PTK2: variants seen among roughly 807,000 people sequenced by gnomAD.
PTK2 encodes focal adhesion kinase 1.
In PTK2, 45 loss-of-function variants were observed where a neutral mutation model predicts 150.1. That is an observed-to-expected ratio of 0.30 (90% CI 0.24 to 0.38). The LOEUF is 0.38. Ranked by LOEUF, PTK2 falls within the 10% of genes least tolerant of loss-of-function variation. PTK2 has a pLI of 1.00. For synonymous variants in PTK2, 432 were observed against 449.2 expected (o/e 0.96, Z 0.48); for missense variants, 919 against 1,307.3 (o/e 0.70, Z 4.58).
rs35706231 is a variant in PTK2 at position 140,671,759 on chromosome 8, CAAAAA to C, written c.2709+2534_2709+2538del. On this transcript the variant is annotated intron_variant, in intron 29 of 31. Coordinates refer to ENST00000522684, the Ensembl canonical transcript of PTK2. ...AAACCCCGTCTCTACTAAAAATACC[CAAAAA>C]AAAAAAAAAAAAAAAAAATTAGATG... 2.3e-3 allele frequency among the ~76,000 whole-genome samples: 216 copies of C among 94,154 alleles called. 1 individual carries two copies. Among genetic ancestry groups the C allele is most frequent in the African/African-American group, 7.8e-3 (204 of 26,110 alleles). 61.8% of individuals were successfully genotyped at this position (94,154 alleles called of 152,430 possible).
intron 29 of PTK2, among the ~76,000 whole-genome samples, chr8:140,673,309 C>T (rs1490415641): frequency 6.6e-6 from 1 of 151,962 alleles, no homozygotes; most frequent in African/African-American, 2.4e-5. Context: ...GGGGTTTCAC[C>T]ATGTTGGCCA....
chr8:140,962,483 C>CT (rs2100183667), intron 1 of PTK2, among the ~76,000 whole-genome samples: 1 of 152,138 alleles, frequency 6.6e-6, no homozygotes, highest in Non-Finnish European at 1.5e-5. Context: ...TGTGAGGGGC[C>CT]TGAGGGGCCT....
chr8:140,677,163 T>C (rs2100014412), intron 27 of PTK2, among the ~76,000 whole-genome samples: 1 of 152,186 alleles, frequency 6.6e-6, no homozygotes, highest in Non-Finnish European at 1.5e-5. Flanking sequence ...CTTCCCAGTG[T>C]CTGCATCCTC....
intron 14 of PTK2, among the ~76,000 whole-genome samples, chr8:140,778,687 C>T (rs1168133508): frequency 1.3e-5 from 2 of 152,114 alleles, no homozygotes; most frequent in African/African-American, 4.8e-5. Flanking sequence ...TGAGTTAAAA[C>T]CAAACAAACG....
At chr8:140,881,327 C>T (rs188914208) in intron 3 of PTK2, among the ~76,000 whole-genome samples, 47 of 152,326 alleles carry the variant, frequency 3.1e-4, no homozygotes, top group Middle Eastern at 3.4e-3. Flanking sequence ...TAACAATTCT[C>T]TCAGAAGTGA....
intron 2 of PTK2, among the ~76,000 whole-genome samples, chr8:140,891,457 T>C (rs1211590395): frequency 6.6e-6 from 1 of 151,976 alleles, no homozygotes; most frequent in Non-Finnish European, 1.5e-5. Flanking sequence ...CAAACAATGT[T>C]TGAAGGGCTC....
chr8:140,668,368 A>G lies in PTK2; in HGVS notation c.2766T>C (p.Asp922=), dbSNP rs762419875. 7.9e-5 allele frequency: 128 copies of G among 1,613,826 alleles called. No individual in the cohort carries two copies. In the East Asian group the frequency reaches 2.9e-3, roughly 36 times the overall value. ...GGCCCGTCACATTCTCGTACACCTT[A>G]TCATTCGACCGGTCCAGGTTGGCAG... Residue 922 remains aspartate, a synonymous_variant, in exon 30 of 32, where the codon GAT becomes GAC. Coordinates refer to ENST00000522684, the Ensembl canonical transcript of PTK2.
At chr8:140,844,317 C>T (rs1281529507) in intron 7 of PTK2, among the ~76,000 whole-genome samples, 2 of 152,150 alleles carry the variant, frequency 1.3e-5, no homozygotes, top group Non-Finnish European at 2.9e-5. Context: ...TAGAAACAAG[C>T]CACTAAATGT....
At chr8:140,808,606 T>G (rs2100099507) in intron 10 of PTK2, among the ~76,000 whole-genome samples, 1 of 152,120 alleles carries the variant, frequency 6.6e-6, no homozygotes, top group Admixed American at 6.5e-5. Context: ...ATATGAAATT[T>G]TTGGCTCATA....
Position 140,981,767 on chromosome 8 carries a change from G to C in PTK2, c.-122+19358C>G, listed in dbSNP as rs1176963031. Among the ~76,000 whole-genome samples the C allele has an allele frequency of 4.6e-5, 7 of 152,146 alleles. No homozygotes were observed. The East Asian group carries it at 1.3e-3, about 29-fold the overall frequency. The stretch of plus-strand genomic sequence containing the variant: ...CACTGTACAGCAGAGCTGAGTACTT[G>C]TGAGAGGTCACAGGTGGCCTGCAAA... On this transcript the variant is annotated intron_variant, in intron 1 of 31. Transcript: ENST00000522684.
At chr8:140,856,272 A>G (rs2100132530) in intron 5 of PTK2, among the ~76,000 whole-genome samples, 1 of 152,190 alleles carries the variant, frequency 6.6e-6, no homozygotes, top group Admixed American at 6.5e-5. Flanking sequence ...AAAGGATCAA[A>G]GGGTAGATAC....
chr8:140,936,757 A>G (rs1031427113), intron 1 of PTK2, among the ~76,000 whole-genome samples: 1 of 152,218 alleles, frequency 6.6e-6, no homozygotes, highest in South Asian at 2.1e-4. Flanking sequence ...AACTTGAAAT[A>G]CTACATAAAA....
intron 2 of PTK2, among the ~76,000 whole-genome samples, chr8:140,899,681 C>A (rs1015500969): frequency 6.6e-6 from 1 of 152,034 alleles, no homozygotes. Flanking sequence ...CACTGAGGAA[C>A]GTAAACACAA....
intron 2 of PTK2, among the ~76,000 whole-genome samples, chr8:140,909,838 T>C (rs564817710): frequency 7.2e-5 from 11 of 152,294 alleles, no homozygotes; most frequent in African/African-American, 2.6e-4. Context: ...ATCTTTCCTG[T>C]TACCCCTCAT....
intron 5 of PTK2, among the ~76,000 whole-genome samples, chr8:140,860,363 T>G (rs952034794): frequency 6.6e-6 from 1 of 152,196 alleles, no homozygotes; most frequent in African/African-American, 2.4e-5. Flanking sequence ...GTTTCAACTG[T>G]TTTTTACTTA....
At chr8:140,957,604 C>T (rs537090472) in intron 1 of PTK2, among the ~76,000 whole-genome samples, 2 of 152,154 alleles carry the variant, frequency 1.3e-5, no homozygotes, top group Non-Finnish European at 2.9e-5. Flanking sequence ...CTGACTCACC[C>T]AGAGCAGCGT....
chr8:140,718,416 C>T (rs911646185), intron 22 of PTK2: 1 of 152,246 alleles, frequency 6.6e-6, no homozygotes, highest in African/African-American at 2.4e-5. Context: ...TTTGCCATCA[C>T]ATAAACCCCT....
At chr8:140,900,525 C>G (rs998429604) in intron 2 of PTK2, among the ~76,000 whole-genome samples, 7 of 151,940 alleles carry the variant, frequency 4.6e-5, no homozygotes, top group African/African-American at 1.7e-4. Flanking sequence ...AGTTCATGAC[C>G]AGCCTCACCA....
chr8:140,822,513 T>C (rs868045774), intron 8 of PTK2: 1 of 152,112 alleles, frequency 6.6e-6, no homozygotes, highest in Non-Finnish European at 1.5e-5. Flanking sequence ...GACTGAAACA[T>C]TAGGTAACAA....
Sources: allele counts gnomAD v4.1 joint callset (sites outside exome capture counted in the v4.1 genomes callset), GRCh38; gene constraint gnomAD v4.1.1; transcripts MANE v1.5; gene names NCBI Gene and HGNC (gene_info 2026-07-23, HGNC 2026-07-21).